The following GCNT2 variants were observed in gnomAD, a reference collection of about 807,000 sequenced individuals.
GCNT2 encodes glucosaminyl (N-acetyl) transferase 2 (I blood group).
Under a neutral mutation model 34.2 loss-of-function variants are expected in GCNT2, and 34 were observed. The ratio of observed to expected loss-of-function variants is 1.00; its 90% CI spans 0.76 to 1.32. The LOEUF (loss-of-function observed/expected upper bound fraction) is 1.32. Ranked by LOEUF, GCNT2 falls within the 40% of genes most tolerant of loss-of-function variation. The pLI is 0.00. For missense variants in GCNT2, 584 were observed against 489.4 expected, an observed-to-expected ratio of 1.19 and a Z score of -1.82; for synonymous variants, 212 against 188.0, an observed-to-expected ratio of 1.13 and a Z score of -1.04.
intron 3 of GCNT2, among the ~76,000 whole-genome samples, chr6:10,554,151 G>A (rs1329661428): frequency 6.6e-6 from 1 of 152,176 alleles, no homozygotes; most frequent in African/African-American, 2.4e-5. Context: ...AGTGCATGGT[G>A]TCTGGATAAG....
chr6:10,614,190 G>A (rs1048682544), intron 3 of GCNT2, among the ~76,000 whole-genome samples: 1 of 152,070 alleles, frequency 6.6e-6, no homozygotes, highest in African/African-American at 2.4e-5. Context: ...TATTCAAATT[G>A]AGCTGTCACC....
chr6:10,556,927 C>T (rs777810837), intron 3 of GCNT2: 2 of 1,614,046 alleles, frequency 1.2e-6, no homozygotes, highest in Admixed American at 1.7e-5. Flanking sequence ...TCCAGGCTGA[C>T]CTGAACTGCA....
intron 3 of GCNT2, among the ~76,000 whole-genome samples, chr6:10,555,086 A>C (rs1762635953): frequency 1.3e-5 from 2 of 152,140 alleles, no homozygotes; most frequent in Admixed American, 6.5e-5. Context: ...AAATGGAAGA[A>C]AATGTGCATT....
rs781348409 is a variant in GCNT2 at position 10,620,039 on chromosome 6, G to T, written c.926-1312G>T. 1.4e-4 allele frequency among the ~76,000 whole-genome samples: 22 copies of T among 152,168 alleles called. 1 individual carries two copies. The highest frequency in any genetic ancestry group is 9.8e-4 in the Admixed American group (15 of 15,270). Reference sequence around the variant, plus strand: ...CATTTGGCTCACCCAGATAATTCAGGATAACCTCCCTATTTTAAGGTCAGC... The same window carrying T: ...CATTTGGCTCACCCAGATAATTCAGTATAACCTCCCTATTTTAAGGTCAGC... On this transcript the variant is annotated intron_variant, in intron 3 of 4. Transcript: ENST00000495262.
intron 3 of GCNT2, among the ~76,000 whole-genome samples, chr6:10,589,394 GTGTGTGGTGTGGGTGTA>G (rs372474120): frequency 1.3e-5 from 2 of 149,556 alleles, no homozygotes; most frequent in Non-Finnish European, 3.0e-5. Context: ...TGTGTTTGTA[GTGTGTGGTGTGGGTGTA>G]TGTGTGGTGT....
intron 3 of GCNT2, among the ~76,000 whole-genome samples, chr6:10,540,299 G>C (rs750598969): frequency 6.6e-6 from 1 of 152,146 alleles, no homozygotes; most frequent in Non-Finnish European, 1.5e-5. Context: ...TCTCACTTTA[G>C]ACTTGTCTGA....
intron 3 of GCNT2, among the ~76,000 whole-genome samples, chr6:10,563,591 A>C (rs1297306271): frequency 1.3e-5 from 2 of 151,144 alleles, no homozygotes; most frequent in Non-Finnish European, 3.0e-5. Flanking sequence ...AAAATACAAA[A>C]ATTAGCCTGG....
intron 3 of GCNT2, 31 bp downstream of exon 3, chr6:10,529,867 G>A (rs772956848): frequency 7.2e-5 from 107 of 1,494,826 alleles, no homozygotes; most frequent in East Asian, 9.0e-5. Context: ...TTATTTTTAC[G>A]AATAAACACT....
Position 10,626,783 on chromosome 6 carries a change from C to T in GCNT2, c.*176C>T, listed in dbSNP as rs1168880611. 2 of 615,194 alleles carry T rather than the reference C, an allele frequency of 3.3e-6. No homozygotes were observed. The highest frequency in any genetic ancestry group is 3.7e-5 in the African/African-American group (2 of 54,462). 38.1% of individuals were successfully genotyped at this position (615,194 alleles called of 1,614,324 possible). ...CACTGGACACTGTGAAATACACTAA[C>T]AGGATGGCTGGGTAGAGCAATCTGG... On this transcript the variant is annotated 3_prime_UTR_variant, in exon 5 of 5. Transcript: ENST00000495262.
intron 3 of GCNT2, among the ~76,000 whole-genome samples, chr6:10,576,026 T>TG (rs1328834940): frequency 2.0e-5 from 3 of 152,200 alleles, no homozygotes; most frequent in Admixed American, 2.0e-4. Flanking sequence ...AAAGCCTGTT[T>TG]GGTGGTCTCT....
chr6:10,551,827 G>A (rs979603216), intron 3 of GCNT2, among the ~76,000 whole-genome samples: 11 of 151,700 alleles, frequency 7.3e-5, no homozygotes, highest in Admixed American at 5.3e-4. Context: ...GCGCCACCTC[G>A]GCTCACTGCA....
chr6:10,604,109 A>G (rs571474070), intron 3 of GCNT2, among the ~76,000 whole-genome samples: 18 of 150,400 alleles, frequency 1.2e-4, no homozygotes, highest in Admixed American at 1.1e-3. Context: ...GTTGGCCAGC[A>G]TGGTCTCGAT....
chr6:10,623,971 C>G (rs1766153604), intron 4 of GCNT2, among the ~76,000 whole-genome samples: 1 of 152,318 alleles, frequency 6.6e-6, no homozygotes, highest in South Asian at 2.1e-4. Flanking sequence ...AAGGCTGATT[C>G]CTAACCCTAA....
At chr6:10,582,451 T>G (rs6907026) in intron 3 of GCNT2, among the ~76,000 whole-genome samples, 1 of 125,164 alleles carries the variant, frequency 8.0e-6, no homozygotes, top group Non-Finnish European at 1.6e-5. Context: ...TATTATATAA[T>G]ATATATAATA....
chr6:10,584,770 A>G (rs1764269090), intron 3 of GCNT2, among the ~76,000 whole-genome samples: 1 of 152,210 alleles, frequency 6.6e-6, no homozygotes, highest in Non-Finnish European at 1.5e-5. Context: ...AATACAGCAC[A>G]TGTTTTTGTG....
At chr6:10,564,875 G>A (rs1763207855) in intron 3 of GCNT2, among the ~76,000 whole-genome samples, 1 of 152,154 alleles carries the variant, frequency 6.6e-6, no homozygotes, top group African/African-American at 2.4e-5. Flanking sequence ...CCTACCTCAT[G>A]GAGGATACAT....
intron 3 of GCNT2, among the ~76,000 whole-genome samples, chr6:10,602,137 GTCTAC>G (rs1451862942): frequency 2.0e-5 from 3 of 152,170 alleles, no homozygotes; most frequent in Middle Eastern, 3.4e-3. Flanking sequence ...TTACATTTCT[GTCTAC>G]TCTATAACTT....
intron 3 of GCNT2, among the ~76,000 whole-genome samples, chr6:10,552,548 T>C (rs1277811561): frequency 6.6e-6 from 1 of 152,076 alleles, no homozygotes; most frequent in African/African-American, 2.4e-5. Context: ...ACTGTTTACA[T>C]AGCATTTACA....
chr6:10,625,977 T>C (rs1367937191), intron 4 of GCNT2, among the ~76,000 whole-genome samples: 1 of 152,180 alleles, frequency 6.6e-6, no homozygotes, highest in Non-Finnish European at 1.5e-5. Context: ...AGATATATGC[T>C]CTCTTTCTTT....
Sources: gnomAD v4.1 joint callset for allele counts (sites outside exome capture counted in the v4.1 genomes callset) on GRCh38, gnomAD v4.1.1 for gene constraint, MANE v1.5 for transcripts, NCBI Gene and HGNC (gene_info 2026-07-23, HGNC 2026-07-21) for gene names.